Variants in PLCXD3 observed in about 807,000 individuals in gnomAD.
The protein encoded by PLCXD3 is PI-PLC X domain-containing protein 3.
Under a neutral mutation model 25.5 loss-of-function variants are expected in PLCXD3, and 19 were observed. The ratio of observed to expected loss-of-function variants is 0.75; its 90% CI spans 0.52 to 1.09. PLCXD3 has a LOEUF of 1.09. Ranked by LOEUF, PLCXD3 falls within the 50% of genes least tolerant of loss-of-function variation. The probability of loss-of-function intolerance (pLI) is 0.00; values close to 1 mark genes in which losing one functional copy is unlikely to be tolerated. For synonymous variants in PLCXD3, 174 were observed against 137.6 expected (o/e 1.26, Z -1.85); for missense variants, 411 against 388.1 (o/e 1.06, Z -0.50).
chr5:41,498,263 G>A (rs1020506731), intron 1 of PLCXD3, among the ~76,000 whole-genome samples: 1 of 151,314 alleles, frequency 6.6e-6, no homozygotes, highest in South Asian at 2.1e-4. Flanking sequence ...TTTTTGAAAA[G>A]ATAAACATAA....
chr5:41,347,587 A>T (rs1382159443), intron 2 of PLCXD3, among the ~76,000 whole-genome samples: 1 of 152,216 alleles, frequency 6.6e-6, no homozygotes, highest in Non-Finnish European at 1.5e-5. Context: ...CAAGCACAAC[A>T]TCTGTAGATA....
At chr5:41,446,194 A>AAAAAAAAAAAAAAAAAAAAAAC (rs1272396137) in intron 1 of PLCXD3, among the ~76,000 whole-genome samples, 1 of 148,852 alleles carries the variant, frequency 6.7e-6, no homozygotes, top group Non-Finnish European at 1.5e-5. Flanking sequence ...AAAAAAAAAA[A>AAAAAAAAAAAAAAAAAAAAAAC]AAAAAAAGAA....
chr5:41,433,274 C>T (rs1347100543), intron 1 of PLCXD3, among the ~76,000 whole-genome samples: 2 of 152,198 alleles, frequency 1.3e-5, no homozygotes, highest in Non-Finnish European at 2.9e-5. Flanking sequence ...AAAATAATGA[C>T]ACTAACCTCA....
intron 1 of PLCXD3, among the ~76,000 whole-genome samples, chr5:41,507,603 G>T (rs779065007): frequency 3.3e-5 from 5 of 152,182 alleles, no homozygotes; most frequent in Non-Finnish European, 5.9e-5. Context: ...GTTGCACATT[G>T]TTTTTTGCTG....
At chr5:41,480,148 A>G (rs1224617774) in intron 1 of PLCXD3, among the ~76,000 whole-genome samples, 1 of 152,176 alleles carries the variant, frequency 6.6e-6, no homozygotes, top group Non-Finnish European at 1.5e-5. Context: ...ATAGGAATAA[A>G]AATGATTTTT....
intron 2 of PLCXD3, among the ~76,000 whole-genome samples, chr5:41,356,807 A>G (rs1744632251): frequency 6.6e-6 from 1 of 152,172 alleles, no homozygotes; most frequent in Admixed American, 6.5e-5. Flanking sequence ...CTGAAGTAGG[A>G]AAGTCTCACT....
intron 2 of PLCXD3, among the ~76,000 whole-genome samples, chr5:41,321,581 C>A (rs1743472331): frequency 6.6e-6 from 1 of 152,036 alleles, no homozygotes; most frequent in South Asian, 2.1e-4. Context: ...AAAAAGCAAA[C>A]CTAAAATTTA....
intron 1 of PLCXD3, among the ~76,000 whole-genome samples, chr5:41,388,152 C>T (rs994698724): frequency 6.6e-6 from 1 of 151,832 alleles, no homozygotes; most frequent in African/African-American, 2.4e-5. Context: ...ACAATCCTTG[C>T]CCTCAAGAGT....
chr5:41,509,150 C>CTTTTGT (rs1326397415), intron 1 of PLCXD3, among the ~76,000 whole-genome samples: 1 of 152,164 alleles, frequency 6.6e-6, no homozygotes, highest in African/African-American at 2.4e-5. Context: ...AATAACCCTT[C>CTTTTGT]TTTTGTTTTT....
chr5:41,463,106 G>C, intron 1 of PLCXD3, among the ~76,000 whole-genome samples: 1 of 152,048 alleles, frequency 6.6e-6, no homozygotes, highest in South Asian at 2.1e-4. Context: ...ATTATTCTTT[G>C]AGTAAAGTGA....
At position 41,313,550 on chromosome 5, in the gene PLCXD3, T is replaced by C. The variant is rs546795913; in HGVS notation, c.*67A>G. On this transcript the variant is annotated 3_prime_UTR_variant, in exon 3 of 3. Transcript: ENST00000377801. ...AGTGGAATAGGAAGATCAGAGTGTTTACAGATAGTATGCCCTAATACAATG... is the reference window on the plus strand; with the variant it reads ...AGTGGAATAGGAAGATCAGAGTGTTCACAGATAGTATGCCCTAATACAATG... 1 of 1,583,844 alleles carries C rather than the reference T, an allele frequency of 6.3e-7. No individual in the cohort carries two copies. Among genetic ancestry groups the C allele is most frequent in the Non-Finnish European group, 8.7e-7 (1 of 1,154,162 alleles).
chr5:41,342,601 A>G (rs1473451912), intron 2 of PLCXD3, among the ~76,000 whole-genome samples: 1 of 152,178 alleles, frequency 6.6e-6, no homozygotes, highest in African/African-American at 2.4e-5. Context: ...AATGTACAGA[A>G]AGCTTTGTAA....
intron 2 of PLCXD3, among the ~76,000 whole-genome samples, chr5:41,314,652 C>G (rs1195480387): frequency 6.6e-6 from 1 of 151,958 alleles, no homozygotes; most frequent in Non-Finnish European, 1.5e-5. Flanking sequence ...GGAAAGCATC[C>G]CAGCTATTGC....
At chr5:41,431,738 G>A (rs765184615) in intron 1 of PLCXD3, among the ~76,000 whole-genome samples, 1 of 152,150 alleles carries the variant, frequency 6.6e-6, no homozygotes, top group Non-Finnish European at 1.5e-5. Flanking sequence ...CATTGACCTG[G>A]CTGTCTTGCT....
intron 2 of PLCXD3, among the ~76,000 whole-genome samples, chr5:41,335,102 T>C (rs1351939290): frequency 6.6e-6 from 1 of 152,298 alleles, no homozygotes; most frequent in East Asian, 1.9e-4. Flanking sequence ...TCGGCACAAG[T>C]AGCCCCTCAC....
chr5:41,387,370 C>T (rs1745671350), intron 1 of PLCXD3, among the ~76,000 whole-genome samples: 1 of 152,058 alleles, frequency 6.6e-6, no homozygotes, highest in Admixed American at 6.6e-5. Context: ...TTTACAGAAG[C>T]TGTGAGAAAA....
intron 1 of PLCXD3, among the ~76,000 whole-genome samples, chr5:41,451,356 T>C (rs1413294227): frequency 2.6e-5 from 4 of 152,060 alleles, no homozygotes; most frequent in Non-Finnish European, 5.9e-5. Flanking sequence ...AGGAATATTT[T>C]AAAAGATCTC....
intron 2 of PLCXD3, among the ~76,000 whole-genome samples, chr5:41,372,570 G>A (rs1580331949): frequency 6.6e-6 from 1 of 151,982 alleles, no homozygotes; most frequent in Non-Finnish European, 1.5e-5. Flanking sequence ...TACAGACAAC[G>A]CTTCCTCTTG....
intron 2 of PLCXD3, among the ~76,000 whole-genome samples, chr5:41,369,553 C>T (rs1745032706): frequency 6.6e-6 from 1 of 152,068 alleles, no homozygotes; most frequent in Non-Finnish European, 1.5e-5. Flanking sequence ...CCATCAGGGT[C>T]CACTGCAACC....
Sources: gnomAD v4.1 joint callset for allele counts (sites outside exome capture counted in the v4.1 genomes callset) on GRCh38, gnomAD v4.1.1 for gene constraint, MANE v1.5 for transcripts, NCBI Gene and HGNC (gene_info 2026-07-23, HGNC 2026-07-21) for gene names.